Variants in DSCAM observed in about 807,000 individuals in gnomAD.
DSCAM encodes cell adhesion molecule DSCAM.
In DSCAM, 47 loss-of-function variants were observed where a neutral mutation model predicts 217.7. The ratio of observed to expected loss-of-function variants is 0.22; its 90% CI spans 0.17 to 0.28. The LOEUF (loss-of-function observed/expected upper bound fraction) is 0.28, where lower values mean the gene tolerates loss of function less well. DSCAM is among the 10% of genes least tolerant of loss of function. The pLI, the probability that DSCAM is intolerant of heterozygous loss-of-function variation, is 1.00. For missense variants in DSCAM, 2,080 were observed against 2,618.3 expected, an observed-to-expected ratio of 0.79 and a Z score of 4.49; for synonymous variants, 1,056 against 1,015.3, an observed-to-expected ratio of 1.04 and a Z score of -0.76.
At chr21:40,556,446 A>G (rs943366646) in intron 3 of DSCAM, among the ~76,000 whole-genome samples, 31 of 152,254 alleles carry the variant, frequency 2.0e-4, no homozygotes, top group Non-Finnish European at 7.3e-5. Flanking sequence ...ATATACTACT[A>G]TATGTCTTAG....
At chr21:40,818,362 T>C (rs538252194) in intron 1 of DSCAM, among the ~76,000 whole-genome samples, 9 of 150,878 alleles carry the variant, frequency 6.0e-5, no homozygotes, top group East Asian at 2.0e-4. Flanking sequence ...CTGGCTAACA[T>C]GGTGAAACCC....
chr21:40,285,274 G>A (rs548423188), intron 10 of DSCAM, among the ~76,000 whole-genome samples: 4 of 152,196 alleles, frequency 2.6e-5, no homozygotes. Context: ...CGTTTCCCTG[G>A]AGCAAGAGCC....
chr21:40,397,780 C>T (rs1326084198), intron 3 of DSCAM, among the ~76,000 whole-genome samples: 2 of 151,936 alleles, frequency 1.3e-5, no homozygotes, highest in Non-Finnish European at 2.9e-5. Context: ...ATACTACCAC[C>T]ACTACTATGC....
chr21:40,139,916 AGT>A (rs2146707462), intron 18 of DSCAM, among the ~76,000 whole-genome samples: 1 of 118,430 alleles, frequency 8.4e-6, no homozygotes, highest in African/African-American at 3.3e-5. Context: ...GTGTGTGGTG[AGT>A]GTGGGATATG....
chr21:40,675,531 C>T (rs1412823871), intron 3 of DSCAM, among the ~76,000 whole-genome samples: 2 of 152,134 alleles, frequency 1.3e-5, no homozygotes, highest in East Asian at 3.9e-4. Context: ...AGCTTCTGTT[C>T]CACCATAATT....
intron 11 of DSCAM, among the ~76,000 whole-genome samples, chr21:40,190,003 T>G (rs1019421027): frequency 1.3e-5 from 2 of 152,218 alleles, no homozygotes; most frequent in Admixed American, 1.3e-4. Context: ...AACCAGTCCT[T>G]GTAACCACTT....
At chr21:40,335,408 T>G (rs570836223) in intron 8 of DSCAM, among the ~76,000 whole-genome samples, 1 of 152,294 alleles carries the variant, frequency 6.6e-6, no homozygotes, top group South Asian at 2.1e-4. Flanking sequence ...TAAGAGACAA[T>G]AAATTATTCT....
In DSCAM at chr21:40,080,149, T is replaced by C; in HGVS notation, c.4420+3A>G. On this transcript the variant is annotated splice_donor_region_variant and intron_variant, in intron 25 of 32. Transcript: ENST00000400454. Reference sequence around the variant, plus strand: ...TTAAGAAGCGATGAGAAGGCATACCTACCTTTTCCTAAGGTCTTTGCTTCT... The same window carrying C: ...TTAAGAAGCGATGAGAAGGCATACCCACCTTTTCCTAAGGTCTTTGCTTCT... The C allele has an allele frequency of 6.6e-7, 1 of 1,526,002 alleles. No homozygotes were observed. The highest frequency in any genetic ancestry group is 1.1e-5 in the South Asian group (1 of 88,554). 94.5% of individuals were successfully genotyped at this position (1,526,002 alleles called of 1,614,324 possible). A position where few individuals can be genotyped will look rare whatever the true frequency, so the allele number is the denominator to read the frequency against.
At chr21:40,499,004 T>C (rs1277615342) in intron 3 of DSCAM, among the ~76,000 whole-genome samples, 1 of 151,676 alleles carries the variant, frequency 6.6e-6, no homozygotes, top group Non-Finnish European at 1.5e-5. Context: ...TCATTCTTTA[T>C]CATGTAAGAG....
chr21:40,491,353 G>A (rs964149500), intron 3 of DSCAM, among the ~76,000 whole-genome samples: 1 of 151,896 alleles, frequency 6.6e-6, no homozygotes, highest in East Asian at 1.9e-4. Flanking sequence ...GATTGCTTCT[G>A]CCTAACCTTT....
At chr21:40,214,735 C>CAAAAAAAAAAAAAAAAAAAAAAAAAAA (rs1209648217) in intron 11 of DSCAM, among the ~76,000 whole-genome samples, 1 of 67,850 alleles carries the variant, frequency 1.5e-5, no homozygotes, top group African/African-American at 4.0e-5. Context: ...GCAACAACAG[C>CAAAAAAAAAAAAAAAAAAAAAAAAAAA]AAAAAAAAAA....
intron 8 of DSCAM, among the ~76,000 whole-genome samples, chr21:40,326,072 A>G (rs1158594784): frequency 6.6e-6 from 1 of 152,240 alleles, no homozygotes; most frequent in Non-Finnish European, 1.5e-5. Flanking sequence ...AATTTAAAAT[A>G]AATATATTAA....
intron 11 of DSCAM, among the ~76,000 whole-genome samples, chr21:40,198,490 G>C (rs2091038153): frequency 6.6e-6 from 1 of 152,168 alleles, no homozygotes. Flanking sequence ...GCCTCTCTCA[G>C]TCGAATAGGT....
rs183579974 is a variant in DSCAM, at chr21:40,568,116, C to T, written c.508+124694G>A. On this transcript the variant is annotated intron_variant, in intron 3 of 32. Coordinates refer to ENST00000400454, the MANE Select transcript of DSCAM (RefSeq NM_001389.5). ...ATACGTAAACTATGTTTGATTGAAGCATTTAGCAATGAATGGGGAATGCAT... is the reference window on the plus strand; with the variant it reads ...ATACGTAAACTATGTTTGATTGAAGTATTTAGCAATGAATGGGGAATGCAT... Among the ~76,000 whole-genome samples, 314 of 152,286 alleles carry T rather than the reference C, an allele frequency of 2.1e-3. 2 individuals carry two copies. Among genetic ancestry groups the T allele is most frequent in the Non-Finnish European group, 3.2e-3 (221 of 68,016 alleles).
intron 11 of DSCAM, among the ~76,000 whole-genome samples, chr21:40,197,496 C>G (rs1016132582): frequency 1.3e-5 from 2 of 152,154 alleles, no homozygotes; most frequent in African/African-American, 2.4e-5. Context: ...CCCCTTGCCT[C>G]TCTCCTATCC....
intron 20 of DSCAM, among the ~76,000 whole-genome samples, chr21:40,110,141 G>A (rs2089877248): frequency 6.6e-6 from 1 of 152,284 alleles, no homozygotes; most frequent in African/African-American, 2.4e-5. Flanking sequence ...CCTGACCCCC[G>A]AGTAGCCTAA....
chr21:40,550,327 C>A (rs369035417), intron 3 of DSCAM, among the ~76,000 whole-genome samples: 2 of 152,164 alleles, frequency 1.3e-5, no homozygotes, highest in East Asian at 3.9e-4. Flanking sequence ...AAGTTTGAGA[C>A]CATCCTGGCC....
At chr21:40,782,002 A>AAAG (rs1335058675) in intron 1 of DSCAM, among the ~76,000 whole-genome samples, 33 of 149,388 alleles carry the variant, frequency 2.2e-4, no homozygotes, top group Non-Finnish European at 4.5e-4. Context: ...CAAAAAAAAA[A>AAAG]AAAAAAAAGA....
chr21:40,583,281 A>G (rs1320900283), intron 3 of DSCAM, among the ~76,000 whole-genome samples: 1 of 152,226 alleles, frequency 6.6e-6, no homozygotes, highest in Non-Finnish European at 1.5e-5. Context: ...TTCTGGGTTG[A>G]GGACAGATTA....
Sources: allele counts gnomAD v4.1 joint callset (sites outside exome capture counted in the v4.1 genomes callset), GRCh38; gene constraint gnomAD v4.1.1; transcripts MANE v1.5; gene names NCBI Gene and HGNC (gene_info 2026-07-23, HGNC 2026-07-21).